The following WDR59 variants were observed in gnomAD, a reference collection of about 807,000 sequenced individuals.
WDR59 encodes GATOR2 complex protein WDR59.
Under a neutral mutation model 131.2 loss-of-function variants are expected in WDR59, and 100 were observed. The observed-to-expected ratio is 0.76, with a 90% CI of 0.65 to 0.90. WDR59 has a LOEUF of 0.90. WDR59 is among the 40% of genes least tolerant of loss of function. The pLI, the probability that WDR59 is intolerant of heterozygous loss-of-function variation, is 0.00. For synonymous variants in WDR59, 601 were observed against 466.2 expected, an observed-to-expected ratio of 1.29 and a Z score of -3.72; for missense variants, 1,203 against 1,262.2, an observed-to-expected ratio of 0.95 and a Z score of 0.71.
chr16:74,984,829 C>T, intron 1 of WDR59, 135 bp downstream of exon 1: 1 of 1,297,370 alleles, frequency 7.7e-7, no homozygotes, highest in Non-Finnish European at 1.1e-6. Context: ...CCTAAGAGGT[C>T]GGCTAAGCCC....
intron 25 of WDR59, among the ~76,000 whole-genome samples, chr16:74,882,571 A>G (rs60688374): frequency 0.022 from 3,363 of 152,212 alleles, 87 homozygotes; most frequent in East Asian, 0.14. Context: ...CGTCTCTACT[A>G]AAAATACAAG....
At chr16:74,949,651 T>C (rs1483189436) in intron 5 of WDR59, 67 bp downstream of exon 5, 5 of 1,443,238 alleles carry the variant, frequency 3.5e-6, no homozygotes, top group Non-Finnish European at 2.9e-6. Flanking sequence ...ACTAAGACAC[T>C]TGATCTCTAA....
At chr16:74,879,082 G>T (rs961674769) in intron 25 of WDR59, among the ~76,000 whole-genome samples, 23 of 152,228 alleles carry the variant, frequency 1.5e-4, no homozygotes, top group Admixed American at 1.4e-3. Context: ...ACCAGGAGCA[G>T]CTTCTCATGC....
At chr16:74,935,902 C>T (rs1305107189) in intron 8 of WDR59, among the ~76,000 whole-genome samples, 2 of 151,330 alleles carry the variant, frequency 1.3e-5, no homozygotes, top group Non-Finnish European at 2.9e-5. Context: ...GAGGCTGAGG[C>T]AGGAGAATCG....
intron 1 of WDR59, among the ~76,000 whole-genome samples, chr16:74,982,461 T>C (rs947934496): frequency 3.3e-5 from 5 of 152,212 alleles, no homozygotes; most frequent in Middle Eastern, 3.2e-3. Flanking sequence ...TACGACTTCA[T>C]AGCATCCTAA....
chr16:74,903,844 G>T (rs897402397), intron 18 of WDR59, 103 bp downstream of exon 18: 4 of 1,367,114 alleles, frequency 2.9e-6, no homozygotes, highest in Admixed American at 4.9e-5. Flanking sequence ...AAAGTGAAAG[G>T]CTACAGGGTG....
At chr16:74,949,579 T>C in intron 5 of WDR59, 139 bp downstream of exon 5, 1 of 677,846 alleles carries the variant, frequency 1.5e-6, no homozygotes, top group Non-Finnish European at 2.5e-6. Context: ...TCTCAAATAA[T>C]ATATTTGCGC....
At chr16:74,960,554 G>A (rs1462145804) in intron 2 of WDR59, among the ~76,000 whole-genome samples, 2 of 151,530 alleles carry the variant, frequency 1.3e-5, no homozygotes, top group Non-Finnish European at 2.9e-5. Context: ...AGATCAGCCC[G>A]GCCAACACAG....
chr16:74,958,956 G>A (rs2033439577), intron 2 of WDR59, among the ~76,000 whole-genome samples: 1 of 152,096 alleles, frequency 6.6e-6, no homozygotes. Context: ...CTACTCAGGA[G>A]ACCAAGGCAG....
At chr16:74,893,965 A>G (rs2144836709) in intron 18 of WDR59, 153 bp from the exon 19 acceptor site, 11 of 866,522 alleles carry the variant, frequency 1.3e-5, no homozygotes, top group Non-Finnish European at 1.9e-5. Context: ...GTAGGAAATA[A>G]AAGGATGAGC....
chr16:74,916,084 C>T (rs766857894), intron 12 of WDR59, 43 bp downstream of exon 12: 62 of 1,613,806 alleles, frequency 3.8e-5, no homozygotes, highest in Non-Finnish European at 4.6e-5. Flanking sequence ...CTCTGCAATG[C>T]GTAGAGTGGC....
At chr16:74,955,441 G>T (rs564067593) in intron 3 of WDR59, among the ~76,000 whole-genome samples, 1 of 152,066 alleles carries the variant, frequency 6.6e-6, no homozygotes, top group Non-Finnish European at 1.5e-5. Flanking sequence ...GGGTGAGAGG[G>T]AAATAAGGGT....
At chr16:74,949,637 C>T in intron 5 of WDR59, 81 bp downstream of exon 5, 1 of 1,316,990 alleles carries the variant, frequency 7.6e-7, no homozygotes, top group Non-Finnish European at 1.1e-6. Context: ...CGAGGGGAAA[C>T]CAAACTAAGA....
At position 74,933,501 on chromosome 16, in the gene WDR59, C is replaced by T. The variant is rs111745785; in HGVS notation, c.651+4649G>A. Among the ~76,000 whole-genome samples the T allele has an allele frequency of 1.3e-3, 197 of 152,254 alleles. 1 individual carries two copies. Among genetic ancestry groups the T allele is most frequent in the African/African-American group, 4.2e-3 (173 of 41,550 alleles). ...CTAAATCCCTTGTTTTTTAAAAATG[C>T]TACCATTCTTAATAATTTTTATCAC... On this transcript the variant is annotated intron_variant, in intron 8 of 25. Coordinates refer to ENST00000262144, the MANE Select transcript of WDR59 (RefSeq NM_030581.4).
In WDR59 at chr16:74,949,699, G is replaced by A. The variant is rs186368926; in HGVS notation, c.407+19C>T. ...AAATCACCCCCAACCAAGTGGTTAT[G>A]CCTCCTAATTGTTCTTACTTGATAT... On this transcript the variant is annotated intron_variant, in intron 5 of 25. Coordinates refer to ENST00000262144, the MANE Select transcript of WDR59 (RefSeq NM_030581.4). The A allele has an allele frequency of 1.9e-6, 3 of 1,610,202 alleles. No individual in the cohort carries two copies. Among genetic ancestry groups the A allele is most frequent in the African/African-American group, 2.7e-5 (2 of 74,836 alleles).
intron 23 of WDR59, among the ~76,000 whole-genome samples, chr16:74,886,823 T>C (rs915063374): frequency 1.3e-5 from 2 of 152,074 alleles, no homozygotes; most frequent in Non-Finnish European, 2.9e-5. Context: ...CTCAGGAGGC[T>C]GAGGCAGGAG....
intron 1 of WDR59, among the ~76,000 whole-genome samples, chr16:74,977,714 A>G (rs1597825397): frequency 6.6e-6 from 1 of 152,166 alleles, no homozygotes; most frequent in African/African-American, 2.4e-5. Context: ...TAAATCAATA[A>G]ATAAAAATTG....
At chr16:74,887,503 A>C (rs142406901) in intron 23 of WDR59, among the ~76,000 whole-genome samples, 180 bp downstream of exon 23, 19 of 152,344 alleles carry the variant, frequency 1.2e-4, no homozygotes, top group African/African-American at 4.6e-4. Context: ...AGACCCCCAG[A>C]ACGTGGTCTG....
intron 2 of WDR59, among the ~76,000 whole-genome samples, chr16:74,959,981 T>G (rs941832270): frequency 1.4e-4 from 22 of 152,264 alleles, no homozygotes; most frequent in Non-Finnish European, 2.6e-4. Context: ...AGTTGAAATT[T>G]TTTGAAAATT....
Sources: allele counts gnomAD v4.1 joint callset (sites outside exome capture counted in the v4.1 genomes callset), GRCh38; gene constraint gnomAD v4.1.1; transcripts MANE v1.5; gene names NCBI Gene and HGNC (gene_info 2026-07-23, HGNC 2026-07-21).